The following NUBP2 variants were observed in gnomAD, a reference collection of about 807,000 sequenced individuals.
NUBP2 encodes NUBP iron-sulfur cluster assembly factor 2, cytosolic.
A neutral mutation model predicts 24.9 loss-of-function variants in NUBP2; 23 were observed. The observed-to-expected ratio is 0.92, with a 90% CI of 0.66 to 1.31. The LOEUF is 1.31. Ranked by LOEUF, NUBP2 falls within the 50% of genes most tolerant of loss-of-function variation. The pLI, the probability that NUBP2 is intolerant of heterozygous loss-of-function variation, is 0.00. For synonymous variants in NUBP2, 186 were observed against 170.9 expected, an observed-to-expected ratio of 1.09 and a Z score of -0.69; for missense variants, 403 against 386.5, an observed-to-expected ratio of 1.04 and a Z score of -0.36.
At chr16:1,785,911 G>A (rs1223299429) in intron 1 of NUBP2, 3 of 1,284,270 alleles carry the variant, frequency 2.3e-6, no homozygotes, top group South Asian at 2.5e-5. Flanking sequence ...GGGTGAGAAT[G>A]CAGGGGTTTT....
At chr16:1,783,979 C>G in intron 1 of NUBP2, 1 of 983,614 alleles carries the variant, frequency 1.0e-6, no homozygotes, top group Non-Finnish European at 1.2e-6. Context: ...AGGCGTGAGC[C>G]ACGGCGCCTG....
intron 3 of NUBP2, chr16:1,787,261 C>T (rs1897019738): frequency 2.4e-6 from 1 of 421,704 alleles, no homozygotes; most frequent in Admixed American, 4.0e-5. Flanking sequence ...TCTGGTGCCT[C>T]TGGAGCAGGT....
Position 1,786,619 on chromosome 16 carries a change from G to A in NUBP2, c.99G>A (p.Thr33=), listed in dbSNP as rs770782120. 8 of 1,612,796 alleles carry A rather than the reference G, an allele frequency of 5.0e-6. 1 individual carries two copies. In the South Asian group the frequency reaches 5.5e-5, roughly 11 times the overall value. Residue 33 remains threonine (T), a synonymous_variant, in exon 2 of 7, where the codon ACG becomes ACA. Transcript: ENST00000262302. ...KGGVGKSTIS[T]ELALALRHAG... is the part of the protein sequence containing the mutation. ...GCGTTGGGAAAAGCACCATCTCCAC[G>A]GAGCTGGCCCTGGCACTGCGCCATG...
rs930534391 is a variant in NUBP2, at chr16:1,783,101, C to T, written c.16+65C>T. On this transcript the variant is annotated intron_variant, in intron 1 of 6. Coordinates refer to ENST00000262302, the MANE Select transcript of NUBP2 (RefSeq NM_012225.4). Reference sequence around the variant, plus strand: ...CGCTTGGGGCCCCGCCGCGTCCCTTCCCGGGGCGGCCTCGCTGCGTCGCGC... The same window carrying T: ...CGCTTGGGGCCCCGCCGCGTCCCTTTCCGGGGCGGCCTCGCTGCGTCGCGC... 120 of 1,223,092 alleles carry T rather than the reference C, an allele frequency of 9.8e-5. 1 individual carries two copies. The East Asian group carries it at 3.9e-3, about 39-fold the overall frequency. 75.8% of individuals were successfully genotyped at this position (1,223,092 alleles called of 1,614,324 possible).
chr16:1,786,595 C>A lies in NUBP2; in HGVS notation c.75C>A (p.Gly25=). The A allele has an allele frequency of 5.6e-6, 9 of 1,612,244 alleles. No homozygotes were observed. Among genetic ancestry groups the A allele is most frequent in the Non-Finnish European group, 7.6e-6 (9 of 1,179,436 alleles). ...HIILVLSGKG[G]VGKSTISTEL... ...TCCTGGTCCTCTCAGGAAAGGGGGG[C>A]GTTGGGAAAAGCACCATCTCCACGG... Residue 25 remains glycine, a synonymous_variant, in exon 2 of 7, where the codon GGC becomes GGA. Coordinates refer to ENST00000262302, the MANE Select transcript of NUBP2 (RefSeq NM_012225.4).
Position 1,787,718 on chromosome 16 carries a change from C to T in NUBP2, c.376C>T (p.Leu126=), listed in dbSNP as rs146588988. The T allele has an allele frequency of 1.4e-5, 23 of 1,612,554 alleles. No individual in the cohort carries two copies. In the African/African-American group the frequency reaches 2.3e-4, roughly 16 times the overall value. ...QFVSDVAWGE[L]DYLVVDTPPG... is the part of the protein sequence containing the mutation. ...TGTGTCCGACGTGGCCTGGGGGGAG[C>T]TGGACTACCTGGTGGTGGACACGCC... Residue 126 remains leucine (L), a synonymous_variant, in exon 4 of 7, where the codon CTG becomes TTG. Coordinates refer to ENST00000262302, the MANE Select transcript of NUBP2 (RefSeq NM_012225.4).
At chr16:1,787,916 C>T (rs778504402) in intron 4 of NUBP2, 25 bp from the exon 5 acceptor site, 4 of 1,601,622 alleles carry the variant, frequency 2.5e-6, no homozygotes, top group African/African-American at 1.3e-5. Flanking sequence ...CCTGGCTGAC[C>T]GTGGCCTCGG....
chr16:1,785,558 T>C, intron 1 of NUBP2: 1 of 1,224,854 alleles, frequency 8.2e-7, no homozygotes, highest in Middle Eastern at 3.6e-4. Flanking sequence ...CCTCTTGGTG[T>C]TGAAGTAATT....
rs200628293 is a variant in NUBP2 at position 1,787,837 on chromosome 16, G to C, written c.489+6G>C. 1.9e-6 allele frequency: 3 copies of C among 1,607,684 alleles called. No homozygotes were observed. Among genetic ancestry groups the C allele is most frequent in the African/African-American group, 2.7e-5 (2 of 74,872 alleles). On this transcript the variant is annotated splice_donor_region_variant and intron_variant, in intron 4 of 6. Coordinates refer to ENST00000262302, the MANE Select transcript of NUBP2 (RefSeq NM_012225.4). ...TCGTGGTCACCACGCCCCAGGTAGC[G>C]CTGCGGCACCTTCCCGAGTCCCTGT...
At chr16:1,787,326 G>A in intron 3 of NUBP2, 2 of 433,684 alleles carry the variant, frequency 4.6e-6, no homozygotes, top group South Asian at 3.8e-5. Context: ...GGCGCAGGCT[G>A]TGGGTGCACC....
At position 1,786,619 on chromosome 16, in the gene NUBP2, G is replaced by T; in HGVS notation, c.99G>T (p.Thr33=). ...KGGVGKSTIS[T]ELALALRHAG... ...GCGTTGGGAAAAGCACCATCTCCACGGAGCTGGCCCTGGCACTGCGCCATG... is the reference window on the plus strand; with the variant it reads ...GCGTTGGGAAAAGCACCATCTCCACTGAGCTGGCCCTGGCACTGCGCCATG... The change falls in exon 2 of 7, where the codon ACG becomes ACT. Residue 33 remains threonine, a synonymous_variant. Transcript: ENST00000262302. 6.2e-7 allele frequency: 1 copy of T among 1,612,796 alleles called. No homozygotes were observed. Among genetic ancestry groups the T allele is most frequent in the East Asian group, 2.2e-5 (1 of 44,882 alleles).
chr16:1,789,125 A>G lies in NUBP2; in HGVS notation c.*411A>G. On this transcript the variant is annotated 3_prime_UTR_variant, in exon 7 of 7. Coordinates refer to ENST00000262302, the MANE Select transcript of NUBP2 (RefSeq NM_012225.4). ...CCCCCTAAGGGGGCGAACTGACCTCAGGCATGTTTTGTAACTGTAGAGGCG... is the reference window on the plus strand; with the variant it reads ...CCCCCTAAGGGGGCGAACTGACCTCGGGCATGTTTTGTAACTGTAGAGGCG... 5.8e-6 allele frequency: 1 copy of G among 172,282 alleles called. No homozygotes were observed. Among genetic ancestry groups the G allele is most frequent in the Non-Finnish European group, 1.2e-5 (1 of 81,768 alleles). The allele number at this position is 172,282 out of a possible 1,614,324, so 10.7% of individuals were successfully genotyped here. A position where few individuals can be genotyped will look rare whatever the true frequency, so the allele number is the denominator to read the frequency against.
chr16:1,785,923 C>G, intron 1 of NUBP2: 1 of 1,280,204 alleles, frequency 7.8e-7, no homozygotes, highest in Non-Finnish European at 1.0e-6. Context: ...AGGGGTTTTG[C>G]CAAGGTATCT....
chr16:1,787,556 G>C, intron 3 of NUBP2, 121 bp from the exon 4 acceptor site: 1 of 1,324,676 alleles, frequency 7.5e-7, no homozygotes, highest in Non-Finnish European at 1.0e-6. Flanking sequence ...ATGGAGGCTG[G>C]TGGCAAGTGA....
intron 6 of NUBP2, 106 bp from the exon 7 acceptor site, chr16:1,788,463 C>T: frequency 7.1e-7 from 1 of 1,410,764 alleles, no homozygotes; most frequent in Non-Finnish European, 9.3e-7. Context: ...TCTGGCAGCG[C>T]CTCAATCCCC....
chr16:1,787,464 A>T (rs1395599912), intron 3 of NUBP2: 1 of 644,336 alleles, frequency 1.6e-6, no homozygotes, highest in African/African-American at 1.8e-5. Flanking sequence ...CAGGGGCCAG[A>T]CACTGCAGAA....
rs780882513 is a variant in NUBP2, at chr16:1,786,623, C to T, written c.103C>T (p.Leu35=). 75 of 1,612,680 alleles carry T rather than the reference C, an allele frequency of 4.7e-5. 1 individual carries two copies. Among genetic ancestry groups the T allele is most frequent in the Admixed American group, 1.7e-4 (10 of 60,006 alleles). ...GVGKSTISTE[L]ALALRHAGKK... Reference sequence around the variant, plus strand: ...TGGGAAAAGCACCATCTCCACGGAGCTGGCCCTGGCACTGCGCCATGCAGG... The same window carrying T: ...TGGGAAAAGCACCATCTCCACGGAGTTGGCCCTGGCACTGCGCCATGCAGG... The change falls in exon 2 of 7, where the codon CTG becomes TTG. Residue 35 remains leucine, a synonymous_variant. Transcript: ENST00000262302.
In NUBP2 at chr16:1,786,628, C is replaced by G; in HGVS notation, c.108C>G (p.Ala36=). ...AAAGCACCATCTCCACGGAGCTGGC[C>G]CTGGCACTGCGCCATGCAGGCAAGA... ...VGKSTISTEL[A]LALRHAGKKV... The change falls in exon 2 of 7, where the codon GCC becomes GCG. Residue 36 remains alanine (A), a synonymous_variant. Transcript: ENST00000262302. The G allele has an allele frequency of 1.2e-6, 2 of 1,612,788 alleles. No individual in the cohort carries two copies. The highest frequency in any genetic ancestry group is 1.7e-6 in the Non-Finnish European group (2 of 1,179,880).
At chr16:1,785,941 G>C (rs1394312406) in intron 1 of NUBP2, 1 of 1,259,580 alleles carries the variant, frequency 7.9e-7, no homozygotes, top group Non-Finnish European at 1.0e-6. Context: ...TCTGCACACA[G>C]CAGCCCCTGC....
Sources: allele counts gnomAD v4.1 joint callset, GRCh38; gene constraint gnomAD v4.1.1; transcripts MANE v1.5; gene names NCBI Gene and HGNC (gene_info 2026-07-23, HGNC 2026-07-21).